GNG12: variants seen among roughly 807,000 people sequenced by gnomAD.
GNG12 encodes the protein G protein subunit gamma 12.
For missense variants in GNG12, 69 were observed against 83.8 expected (o/e 0.82, Z 0.69); for synonymous variants, 28 against 29.7 (o/e 0.94, Z 0.19).
intron 1 of GNG12, among the ~76,000 whole-genome samples, chr1:67,824,387 A>G (rs1471173637): frequency 6.6e-6 from 1 of 151,592 alleles, no homozygotes; most frequent in African/African-American, 2.4e-5. Flanking sequence ...GCAGGCACCT[A>G]TAGTCCAAGC....
rs115578423 is a variant in GNG12, at chr1:67,781,838, G to A, written c.-76-4331C>T. Among the ~76,000 whole-genome samples, 300 of 152,156 alleles carry A rather than the reference G, an allele frequency of 2.0e-3. 2 individuals carry two copies. The highest frequency in any genetic ancestry group is 6.7e-3 in the African/African-American group (277 of 41,540). On this transcript the variant is annotated intron_variant, in intron 1 of 3. Transcript: ENST00000370982. ...TTACTCAGGGAGAAAACAGATTGAC[G>A]GAAGAAAAAAATCAAGAATTCTGAT...
At chr1:67,808,082 A>T (rs1458303178) in intron 1 of GNG12, among the ~76,000 whole-genome samples, 1 of 152,112 alleles carries the variant, frequency 6.6e-6, no homozygotes, top group African/African-American at 2.4e-5. Context: ...TGAATCCAAC[A>T]ATGTAAAAAA....
chr1:67,748,152 C>A (rs1646517354), intron 2 of GNG12, among the ~76,000 whole-genome samples: 1 of 152,244 alleles, frequency 6.6e-6, no homozygotes, highest in South Asian at 2.1e-4. Flanking sequence ...AAGAACTTTC[C>A]TTTTTGTGGG....
chr1:67,748,256 T>G (rs1318153500), intron 2 of GNG12, among the ~76,000 whole-genome samples: 1 of 152,222 alleles, frequency 6.6e-6, no homozygotes, highest in East Asian at 1.9e-4. Flanking sequence ...GAGTGGAAGT[T>G]CTGGGCATTT....
At chr1:67,801,427 G>T (rs912333745) in intron 1 of GNG12, among the ~76,000 whole-genome samples, 3 of 152,016 alleles carry the variant, frequency 2.0e-5, no homozygotes, top group African/African-American at 7.3e-5. Context: ...CAGGTCTTTG[G>T]GCACCAAATC....
chr1:67,713,848 C>A (rs1365382784), intron 2 of GNG12, among the ~76,000 whole-genome samples: 1 of 152,094 alleles, frequency 6.6e-6, no homozygotes, highest in East Asian at 1.9e-4. Flanking sequence ...AAATGCCGGC[C>A]CCTAGGCTCA....
At chr1:67,792,032 C>T (rs1242172472) in intron 1 of GNG12, among the ~76,000 whole-genome samples, 1 of 152,200 alleles carries the variant, frequency 6.6e-6, no homozygotes, top group Non-Finnish European at 1.5e-5. Context: ...CAGGCCTGCA[C>T]ATCTCACTGC....
chr1:67,821,430 A>G (rs1570575934), intron 1 of GNG12, among the ~76,000 whole-genome samples: 1 of 152,196 alleles, frequency 6.6e-6, no homozygotes, highest in African/African-American at 2.4e-5. Flanking sequence ...GACCAGAGGG[A>G]GATCTCTAGG....
At chr1:67,751,933 C>A (rs141779453) in intron 2 of GNG12, among the ~76,000 whole-genome samples, 182 of 152,298 alleles carry the variant, frequency 1.2e-3, no homozygotes, top group African/African-American at 4.2e-3. Flanking sequence ...AGTGGCACAA[C>A]AGAGATGCCA....
intron 2 of GNG12, among the ~76,000 whole-genome samples, chr1:67,721,482 T>C (rs1394846446): frequency 6.6e-6 from 1 of 152,190 alleles, no homozygotes; most frequent in Non-Finnish European, 1.5e-5. Flanking sequence ...TTATGAATGA[T>C]TTTGATGCTC....
intron 2 of GNG12, among the ~76,000 whole-genome samples, chr1:67,744,006 T>C (rs111721379): frequency 2.6e-5 from 4 of 152,306 alleles, no homozygotes; most frequent in East Asian, 1.9e-4. Context: ...TGTGTGTGTG[T>C]GCGTGGGGAA....
intron 1 of GNG12, 92 bp downstream of exon 1, chr1:67,833,252 G>T (rs1647063001): frequency 3.6e-6 from 1 of 275,278 alleles, no homozygotes. Context: ...GGACTCGGAG[G>T]CGGCCCCCGA....
At position 67,765,609 on chromosome 1, in the gene GNG12, C is replaced by G. The variant is rs181001836; in HGVS notation, c.-27+11849G>C. On this transcript the variant is annotated intron_variant, in intron 2 of 3. Coordinates refer to ENST00000370982, the MANE Select transcript of GNG12 (RefSeq NM_018841.6). ...CATAGAAAGGTTTGTATATTTCAACCCTTATTCTTCTGCCTGTTTTGCATT... is the reference window on the plus strand; with the variant it reads ...CATAGAAAGGTTTGTATATTTCAACGCTTATTCTTCTGCCTGTTTTGCATT... 9.8e-4 allele frequency among the ~76,000 whole-genome samples: 149 copies of G among 152,198 alleles called. 1 individual carries two copies. In the Middle Eastern group the frequency reaches 0.02, roughly 21 times the overall value.
At chr1:67,719,110 C>G (rs906566762) in intron 2 of GNG12, among the ~76,000 whole-genome samples, 2 of 152,164 alleles carry the variant, frequency 1.3e-5, no homozygotes. Context: ...GGTGCAGAAC[C>G]TCTATTGCTA....
intron 2 of GNG12, among the ~76,000 whole-genome samples, chr1:67,750,698 A>C (rs1331356625): frequency 6.6e-6 from 1 of 152,214 alleles, no homozygotes; most frequent in Non-Finnish European, 1.5e-5. Context: ...AAACAGTGTT[A>C]TAACTGGGGC....
intron 2 of GNG12, among the ~76,000 whole-genome samples, chr1:67,756,017 T>C (rs528914507): frequency 6.6e-6 from 1 of 152,154 alleles, no homozygotes; most frequent in Non-Finnish European, 1.5e-5. Flanking sequence ...GGATGTGTGC[T>C]GAATGCCCAT....
chr1:67,772,893 C>T (rs138950123), intron 2 of GNG12, among the ~76,000 whole-genome samples: 210 of 152,306 alleles, frequency 1.4e-3, no homozygotes, highest in Non-Finnish European at 2.6e-3. Flanking sequence ...GACAGAAACC[C>T]AGTACTGATA....
intron 3 of GNG12, among the ~76,000 whole-genome samples, chr1:67,706,781 G>A (rs1028125564): frequency 3.3e-5 from 5 of 151,522 alleles, no homozygotes; most frequent in African/African-American, 4.9e-5. Context: ...TCAGCCTTCC[G>A]AGTAGCTGGG....
At chr1:67,796,459 C>T (rs542725952) in intron 1 of GNG12, among the ~76,000 whole-genome samples, 16 of 152,194 alleles carry the variant, frequency 1.1e-4, no homozygotes, top group South Asian at 4.1e-4. Flanking sequence ...ATAATAACAA[C>T]GAGTACGACT....
Sources: allele counts gnomAD v4.1 joint callset (sites outside exome capture counted in the v4.1 genomes callset), GRCh38; gene constraint gnomAD v4.1.1; transcripts MANE v1.5; gene names NCBI Gene and HGNC (gene_info 2026-07-23, HGNC 2026-07-21).